FAM13B: variants seen among roughly 807,000 people sequenced by gnomAD.
FAM13B encodes protein FAM13B.
Under a neutral mutation model 117.3 loss-of-function variants are expected in FAM13B, and 60 were observed. The ratio of observed to expected loss-of-function variants is 0.51; its 90% CI spans 0.42 to 0.63. The LOEUF (loss-of-function observed/expected upper bound fraction) is 0.63, where lower values mean the gene tolerates loss of function less well. FAM13B is among the 30% of genes least tolerant of loss of function. The probability of loss-of-function intolerance (pLI) is 0.00; values close to 1 mark genes in which losing one functional copy is unlikely to be tolerated. For synonymous variants in FAM13B, 332 were observed against 356.1 expected, an observed-to-expected ratio of 0.93 and a Z score of 0.76; for missense variants, 972 against 1,091.9, an observed-to-expected ratio of 0.89 and a Z score of 1.55.
intron 10 of FAM13B, among the ~76,000 whole-genome samples, chr5:137,970,496 C>T (rs527441999): frequency 6.6e-6 from 1 of 152,246 alleles, no homozygotes; most frequent in Non-Finnish European, 1.5e-5. Flanking sequence ...GTACCAGCCA[C>T]TGCAAAATCA....
At chr5:137,973,459 C>G (rs946749300) in intron 10 of FAM13B, among the ~76,000 whole-genome samples, 1 of 151,986 alleles carries the variant, frequency 6.6e-6, no homozygotes, top group African/African-American at 2.4e-5. Flanking sequence ...AAAATCAATT[C>G]AAGATGGATT....
intron 10 of FAM13B, among the ~76,000 whole-genome samples, chr5:137,971,256 A>C (rs1430518921): frequency 6.6e-6 from 1 of 151,110 alleles, no homozygotes; most frequent in East Asian, 1.9e-4. Context: ...ATTATAACAA[A>C]CTATCTCTCA....
chr5:137,992,301 A>T (rs1778799694), intron 7 of FAM13B, among the ~76,000 whole-genome samples: 1 of 149,278 alleles, frequency 6.7e-6, no homozygotes. Context: ...AAAGAATTGA[A>T]AAAAAAAAAA....
At chr5:138,016,519 A>G (rs1281495967) in intron 4 of FAM13B, among the ~76,000 whole-genome samples, 1 of 152,114 alleles carries the variant, frequency 6.6e-6, no homozygotes. Flanking sequence ...CTGTAGTCCC[A>G]GCTACTCAAG....
intron 1 of FAM13B, among the ~76,000 whole-genome samples, chr5:138,047,697 G>A (rs1384319423): frequency 6.6e-6 from 1 of 152,054 alleles, no homozygotes; most frequent in Non-Finnish European, 1.5e-5. Context: ...GGAAGAGGAA[G>A]GCAGAAGACA....
At position 137,987,501 on chromosome 5, in the gene FAM13B, C is replaced by A. The variant is rs143195071; in HGVS notation, c.1006G>T (p.Ala336Ser). The A allele has an allele frequency of 1.1e-5, 18 of 1,612,828 alleles. No homozygotes were observed. The highest frequency in any genetic ancestry group is 1.5e-5 in the Non-Finnish European group (18 of 1,179,342). ...TCCCCATCACAATGAATACTTTCTG[C>A]TTCATTATTACACACCACACTTTGC... ...QQQSVVCNNE[A>S]ESIHCDGEGS... Residue 336 changes from alanine (A) to serine (S), a missense_variant, in exon 9 of 24, where the codon GCA becomes TCA. Physicochemically the swap from Ala to Ser is moderately conservative, Grantham distance 99. Transcript: ENST00000689681.
chr5:137,988,308 T>G lies in FAM13B; in HGVS notation c.856A>C (p.Ile286Leu). 6.4e-7 allele frequency: 1 copy of G among 1,560,930 alleles called. No homozygotes were observed. Among genetic ancestry groups the G allele is most frequent in the Non-Finnish European group, 8.6e-7 (1 of 1,163,344 alleles). ...SNSVTATSTHISPISILPAST... is the reference protein window; with the variant it reads ...SNSVTATSTHLSPISILPAST... ...GCTGGTAGGATGCTGATGGGAGATATATGGGTGCTGCAATCAAAGAAAGAA... is the reference window on the plus strand; with the variant it reads ...GCTGGTAGGATGCTGATGGGAGATAGATGGGTGCTGCAATCAAAGAAAGAA... Residue 286 changes from isoleucine to leucine, a missense_variant, in exon 8 of 24, where the codon ATA becomes CTA. Transcript: ENST00000689681.
intron 18 of FAM13B, 123 bp downstream of exon 18, chr5:137,948,832 G>T: frequency 1.5e-6 from 1 of 688,078 alleles, no homozygotes; most frequent in Non-Finnish European, 2.5e-6. Context: ...TTCTGAATCT[G>T]CAAAGATGGG....
Position 137,979,377 on chromosome 5 carries a change from C to A in FAM13B, c.1179+5880G>T, listed in dbSNP as rs143881970. 6.3e-3 allele frequency among the ~76,000 whole-genome samples: 963 copies of A among 152,196 alleles called. 11 individuals carry two copies. The highest frequency in any genetic ancestry group is 0.017 in the Middle Eastern group (5 of 294). On this transcript the variant is annotated intron_variant, in intron 10 of 23. Transcript: ENST00000689681. ...AGCCTACTGATTGTTGTTGTCCTTA[C>A]CCCCAGTCTTTCCCACAAACTTTTT...
chr5:138,001,682 A>G (rs954997528), intron 7 of FAM13B, among the ~76,000 whole-genome samples: 9 of 152,226 alleles, frequency 5.9e-5, no homozygotes, highest in Non-Finnish European at 1.2e-4. Flanking sequence ...TTAGATGGTT[A>G]TAACAGTTAT....
chr5:137,970,730 GAC>G (rs958581492), intron 10 of FAM13B, among the ~76,000 whole-genome samples: 2 of 152,170 alleles, frequency 1.3e-5, no homozygotes, highest in Admixed American at 1.3e-4. Context: ...CACGGGCAAA[GAC>G]ACACACAGGC....
chr5:138,024,849 AGAGT>A (rs1787840255), intron 1 of FAM13B, among the ~76,000 whole-genome samples: 3 of 148,326 alleles, frequency 2.0e-5, no homozygotes, highest in African/African-American at 7.4e-5. Flanking sequence ...AGAGAGAGAG[AGAGT>A]TTTTTGAGTT....
Position 137,954,322 on chromosome 5 carries a change from T to C in FAM13B, c.1562A>G (p.Gln521Arg). The change falls in exon 15 of 24, where the codon CAG becomes CGG. Residue 521 changes from glutamine (Q) to arginine (R), a missense_variant. Coordinates refer to ENST00000689681, the MANE Select transcript of FAM13B (RefSeq NM_001385994.1). ...CATTCTTCCAGCTTGTGGAGACAGC[T>C]GAGCTTCTCCAGACTCAGAGTCCTC... is the stretch of plus-strand genomic sequence containing the variant. Reference protein sequence around the residue: ...WQEDSESGEAQLSPQAGRMNH... With the variant: ...WQEDSESGEARLSPQAGRMNH... The C allele has an allele frequency of 6.2e-7, 1 of 1,614,024 alleles. No homozygotes were observed.
In FAM13B at chr5:137,954,189, T is replaced by G; in HGVS notation, c.1695A>C (p.Ser565=). 6.2e-7 allele frequency: 1 copy of G among 1,614,000 alleles called. No homozygotes were observed. The highest frequency in any genetic ancestry group is 1.3e-5 in the African/African-American group (1 of 74,996). Residue 565 remains serine (S), a synonymous_variant, in exon 15 of 24, where the codon TCA becomes TCC. Coordinates refer to ENST00000689681, the MANE Select transcript of FAM13B (RefSeq NM_001385994.1). The part of the protein sequence containing the change: ...FLHDPEKLDS[S]SKALSFTRIR... Reference sequence around the variant, plus strand: ...ACCTAGTAAAAGACAGTGCTTTAGATGAGGAATCCAACTTTTCTGGATCAT... The same window carrying G: ...ACCTAGTAAAAGACAGTGCTTTAGAGGAGGAATCCAACTTTTCTGGATCAT...
chr5:138,024,593 A>G (rs199590873), intron 1 of FAM13B, among the ~76,000 whole-genome samples: 5 of 147,056 alleles, frequency 3.4e-5, no homozygotes, highest in African/African-American at 1.2e-4. Context: ...AAAAAAAAAG[A>G]AAAAAAAGGA....
chr5:138,006,923 T>C, intron 7 of FAM13B, 67 bp downstream of exon 7: 1 of 1,419,772 alleles, frequency 7.0e-7, no homozygotes, highest in Non-Finnish European at 9.4e-7. Flanking sequence ...TGTTTCTGAA[T>C]GCTGGAGTGA....
intron 23 of FAM13B, 27 bp downstream of exon 23, chr5:137,941,917 G>A: frequency 6.5e-7 from 1 of 1,549,970 alleles, no homozygotes; most frequent in Non-Finnish European, 8.9e-7. Flanking sequence ...GAAGAAAGAT[G>A]ACTCAATTTT....
At chr5:138,010,112 C>T (rs1159893964) in intron 6 of FAM13B, among the ~76,000 whole-genome samples, 1 of 152,054 alleles carries the variant, frequency 6.6e-6, no homozygotes, top group Non-Finnish European at 1.5e-5. Context: ...TCTCCAGTAG[C>T]TGGGATTACA....
intron 17 of FAM13B, among the ~76,000 whole-genome samples, chr5:137,950,021 T>C (rs1370878717): frequency 6.6e-6 from 1 of 151,976 alleles, no homozygotes; most frequent in African/African-American, 2.4e-5. Flanking sequence ...TTTATATCCA[T>C]AGAGAGCCTA....
Sources: gnomAD v4.1 joint callset for allele counts (sites outside exome capture counted in the v4.1 genomes callset) on GRCh38, gnomAD v4.1.1 for gene constraint, MANE v1.5 for transcripts, NCBI Gene and HGNC (gene_info 2026-07-23, HGNC 2026-07-21) for gene names.